ARHGEF3: variants seen among roughly 807,000 people sequenced by gnomAD.
ARHGEF3 encodes Rho guanine nucleotide exchange factor 3.
A neutral mutation model predicts 63.2 loss-of-function variants in ARHGEF3; 28 were observed. That is an observed-to-expected ratio of 0.44 (90% CI 0.33 to 0.61). ARHGEF3 has a LOEUF of 0.61. Ranked by LOEUF, ARHGEF3 falls within the 20% of genes least tolerant of loss-of-function variation. The pLI is 0.03. For synonymous variants in ARHGEF3, 266 were observed against 254.2 expected (o/e 1.05, Z -0.44); for missense variants, 533 against 659.3 (o/e 0.81, Z 2.10).
chr3:56,729,974 C>T (rs6445822), intron 9 of ARHGEF3, among the ~76,000 whole-genome samples: 29,037 of 152,074 alleles, frequency 0.19, 2,989 homozygotes, highest in South Asian at 0.39. Context: ...AAGACAGATG[C>T]GCTCAGAGGC....
At chr3:56,987,327 T>C (rs1046925534) in intron 2 of ARHGEF3, among the ~76,000 whole-genome samples, 1 of 152,240 alleles carries the variant, frequency 6.6e-6, no homozygotes, top group Admixed American at 6.5e-5. Flanking sequence ...GGCATAATCA[T>C]GTGCCGGCCA....
intron 4 of ARHGEF3, among the ~76,000 whole-genome samples, chr3:56,821,977 AG>A (rs2038515601): frequency 1.7e-5 from 1 of 58,084 alleles, no homozygotes; most frequent in Admixed American, 1.4e-4. Flanking sequence ...AGAGAAGAGA[AG>A]AGAAGAGAAG....
chr3:56,882,300 C>T (rs1181969990), exon 4 of ARHGEF3: 10 of 1,551,602 alleles, frequency 6.4e-6, no homozygotes, highest in Admixed American at 2.0e-5. Flanking sequence ...ACACTTATGT[C>T]GAGACTGCAA....
At chr3:56,927,275 T>TTG (rs886513577) in intron 3 of ARHGEF3, among the ~76,000 whole-genome samples, 67 of 152,274 alleles carry the variant, frequency 4.4e-4, no homozygotes, top group African/African-American at 1.3e-3. Flanking sequence ...TAAGTAACAA[T>TTG]TGCAGTTTCC....
intron 1 of ARHGEF3, 80 bp downstream of exon 1, chr3:56,801,623 C>G: frequency 6.7e-7 from 1 of 1,496,924 alleles, no homozygotes; most frequent in Non-Finnish European, 9.0e-7. Flanking sequence ...TGACACTGGA[C>G]GGGCGCCGAG....
chr3:56,745,441 C>T lies in ARHGEF3; in HGVS notation c.634G>A (p.Asp212Asn). The T allele has an allele frequency of 6.2e-7, 1 of 1,613,928 alleles. No individual in the cohort carries two copies. The highest frequency in any genetic ancestry group is 1.1e-5 in the South Asian group (1 of 91,064). The change falls in exon 7 of 10, where the codon GAT becomes AAT. Residue 212 changes from aspartate (D) to asparagine (N), a missense_variant. Coordinates refer to ENST00000296315, the MANE Select transcript of ARHGEF3 (RefSeq NM_019555.3). ...VGWLPCLSSYDSYCSNQVAAK... is the reference protein window; with the variant it reads ...VGWLPCLSSYNSYCSNQVAAK... ...GCTACTTGATTGCTGCAGTAGCTAT[C>T]ATAGGAGCTGAGGCAAGGGAGCTAA...
chr3:56,788,472 G>T (rs988101427), intron 1 of ARHGEF3, among the ~76,000 whole-genome samples: 1 of 152,174 alleles, frequency 6.6e-6, no homozygotes, highest in African/African-American at 2.4e-5. Context: ...CAATTAAAGA[G>T]CATTAGGGGT....
Position 56,753,203 on chromosome 3 carries a change from T to C in ARHGEF3, c.438+301A>G, listed in dbSNP as rs1425824379. ...TCTCCTATGGGCAAAGAGTCCTACA[T>C]ATGAGACTTCTAGGACAATGAAATA... On this transcript the variant is annotated intron_variant, in intron 4 of 9. Transcript: ENST00000296315. Among the ~76,000 whole-genome samples, 4 of 152,224 alleles carry C rather than the reference T, an allele frequency of 2.6e-5. No homozygotes were observed. In the East Asian group the frequency reaches 7.7e-4, roughly 29 times the overall value.
chr3:56,935,189 A>G (rs1282262716), intron 3 of ARHGEF3, among the ~76,000 whole-genome samples: 2 of 152,172 alleles, frequency 1.3e-5, no homozygotes, highest in East Asian at 1.9e-4. Context: ...GAATGCACCA[A>G]TCGACACTCT....
chr3:57,021,044 A>G (rs959405543), intron 2 of ARHGEF3, among the ~76,000 whole-genome samples: 1 of 152,222 alleles, frequency 6.6e-6, no homozygotes, highest in African/African-American at 2.4e-5. Context: ...TCCTGTCAGT[A>G]TTACTCTAAG....
chr3:56,913,403 G>A (rs1030994855), intron 3 of ARHGEF3, among the ~76,000 whole-genome samples: 1 of 152,094 alleles, frequency 6.6e-6, no homozygotes, highest in African/African-American at 2.4e-5. Flanking sequence ...CACACGAAGA[G>A]ATGCTCAACA....
At chr3:57,029,267 C>T (rs992456433) in intron 2 of ARHGEF3, among the ~76,000 whole-genome samples, 4 of 152,090 alleles carry the variant, frequency 2.6e-5, no homozygotes, top group Non-Finnish European at 4.4e-5. Context: ...CCCGTCTCTA[C>T]TAAAAATACA....
intron 8 of ARHGEF3, among the ~76,000 whole-genome samples, chr3:56,735,557 G>A (rs1265419332): frequency 1.3e-5 from 2 of 152,148 alleles, no homozygotes; most frequent in Admixed American, 6.6e-5. Flanking sequence ...AAAGTTCTCA[G>A]TCCTTCACTG....
chr3:56,879,417 C>T (rs556491407), intron 4 of ARHGEF3, among the ~76,000 whole-genome samples: 1 of 152,046 alleles, frequency 6.6e-6, no homozygotes, highest in African/African-American at 2.4e-5. Context: ...GTTTTTTAAC[C>T]CATCAACAAT....
intron 3 of ARHGEF3, among the ~76,000 whole-genome samples, chr3:56,956,015 A>T (rs1700027372): frequency 5.9e-5 from 9 of 152,224 alleles, no homozygotes; most frequent in Admixed American, 5.9e-4. Flanking sequence ...TTTTACCAAT[A>T]AGCCTCAGGG....
chr3:57,017,064 AC>A (rs1401164515), intron 2 of ARHGEF3, among the ~76,000 whole-genome samples: 1 of 149,052 alleles, frequency 6.7e-6, no homozygotes, highest in Non-Finnish European at 1.5e-5. Flanking sequence ...ACACACACAC[AC>A]GAGTCACCAA....
At chr3:57,028,896 G>T (rs1408410657) in intron 2 of ARHGEF3, among the ~76,000 whole-genome samples, 1 of 151,418 alleles carries the variant, frequency 6.6e-6, no homozygotes, top group African/African-American at 2.4e-5. Flanking sequence ...AGACCAAGGA[G>T]CTTTTTTAGT....
Position 57,038,314 on chromosome 3 carries a change from G to A in ARHGEF3, c.-27-3138C>T, listed in dbSNP as rs181781707. Reference sequence around the variant, plus strand: ...AGGAATAGTGTCTCAATGAGGCCCCGGGGGTTGTTGGGTTGATCGTGAGCT... The same window carrying A: ...AGGAATAGTGTCTCAATGAGGCCCCAGGGGTTGTTGGGTTGATCGTGAGCT... On this transcript the variant is annotated intron_variant, in intron 1 of 12. Coordinates refer to the ARHGEF3 transcript ENST00000338458. Among the ~76,000 whole-genome samples, 12 of 152,288 alleles carry A rather than the reference G, an allele frequency of 7.9e-5. No homozygotes were observed. The South Asian group carries it at 2.1e-3, about 26-fold the overall frequency.
chr3:56,969,117 C>T (rs1240324171), intron 2 of ARHGEF3, among the ~76,000 whole-genome samples: 2 of 151,778 alleles, frequency 1.3e-5, no homozygotes, highest in Non-Finnish European at 2.9e-5. Context: ...AATACCAAAT[C>T]ATCTTTAGGT....
Sources: allele counts gnomAD v4.1 joint callset (sites outside exome capture counted in the v4.1 genomes callset), GRCh38; gene constraint gnomAD v4.1.1; transcripts MANE v1.5; gene names NCBI Gene and HGNC (gene_info 2026-07-23, HGNC 2026-07-21).